Variants in NFYC observed in about 807,000 individuals in gnomAD.
The protein encoded by NFYC is CAAT box DNA-binding protein subunit C.
NFYC carries 25 observed loss-of-function variants against 53.1 expected under a neutral mutation model. That is an observed-to-expected ratio of 0.47 (90% CI 0.34 to 0.66). The LOEUF (loss-of-function observed/expected upper bound fraction) is 0.66. NFYC is among the 30% of genes least tolerant of loss of function. The probability of loss-of-function intolerance (pLI) is 0.01; values close to 1 mark genes in which losing one functional copy is unlikely to be tolerated. For missense variants in NFYC, 260 were observed against 422.7 expected (o/e 0.62, Z 3.38); for synonymous variants, 145 against 152.6 (o/e 0.95, Z 0.37).
chr1:40,757,889 G>A (rs575091706), intron 5 of NFYC: 13 of 581,118 alleles, frequency 2.2e-5, no homozygotes, highest in African/African-American at 9.4e-5. Context: ...TGATTATTTC[G>A]TACTTCAGAA....
At chr1:40,724,136 G>T (rs1191674194) in intron 1 of NFYC, among the ~76,000 whole-genome samples, 1 of 152,184 alleles carries the variant, frequency 6.6e-6, no homozygotes, top group African/African-American at 2.4e-5. Context: ...TTGGGAGGCC[G>T]AGGTGGGCAG....
At chr1:40,742,229 A>G (rs1376988483) in intron 2 of NFYC, among the ~76,000 whole-genome samples, 5 of 149,606 alleles carry the variant, frequency 3.3e-5, no homozygotes, top group Non-Finnish European at 7.4e-5. Flanking sequence ...TTTTTTTTTT[A>G]AGGCAGAATC....
chr1:40,713,953 G>A (rs546348319), intron 1 of NFYC, among the ~76,000 whole-genome samples: 1 of 152,244 alleles, frequency 6.6e-6, no homozygotes, highest in Admixed American at 6.5e-5. Flanking sequence ...TGTCCCTTTG[G>A]GATCTGAAGA....
chr1:40,743,039 C>T (rs933918081), intron 2 of NFYC, among the ~76,000 whole-genome samples: 28 of 152,106 alleles, frequency 1.8e-4, no homozygotes, highest in African/African-American at 6.3e-4. Context: ...TTTAAACTAG[C>T]CAATCATAAG....
chr1:40,715,920 T>C (rs1644119796), intron 1 of NFYC, among the ~76,000 whole-genome samples: 1 of 152,256 alleles, frequency 6.6e-6, no homozygotes, highest in Admixed American at 6.5e-5. Context: ...ATAGCAGTGC[T>C]AATTCACTTG....
Position 40,770,886 on chromosome 1 carries a change from G to A in NFYC, c.*58G>A. 1 of 1,577,138 alleles carries A rather than the reference G, an allele frequency of 6.3e-7. No homozygotes were observed. Among genetic ancestry groups the A allele is most frequent in the Non-Finnish European group, 8.6e-7 (1 of 1,162,512 alleles). On this transcript the variant is annotated 3_prime_UTR_variant, in exon 10 of 10. Transcript: ENST00000447388. This position sits in a 1 kb window ranked among gnomAD's most constrained non-coding sequence, Gnocchi z 5.3. ...CACAATTTTTGCCATACAGCCCCAG[G>A]CAATGGGCACAGCCTTCCTCCCCAG...
rs748526755 is a variant in NFYC at position 40,747,554 on chromosome 1, A to G, written c.126A>G (p.Glu42=). 32 of 1,613,204 alleles carry G rather than the reference A, an allele frequency of 2.0e-5. No individual in the cohort carries two copies. The highest frequency in any genetic ancestry group is 2.7e-5 in the African/African-American group (2 of 74,858). ...TTCAGAAAGACTTCCGAGTGCAGGA[A>G]CTCCCACTGGCTCGTATTAAGAAGA... ...NLTVKDFRVQ[E]LPLARIKKIM... Residue 42 remains glutamate, a synonymous_variant, in exon 3 of 10, where the codon GAA becomes GAG. Coordinates refer to ENST00000447388, the MANE Select transcript of NFYC (RefSeq NM_014223.5).
chr1:40,704,133 G>A (rs1344757586), intron 1 of NFYC, among the ~76,000 whole-genome samples: 3 of 150,798 alleles, frequency 2.0e-5, no homozygotes, highest in East Asian at 1.9e-4. Flanking sequence ...GTGCAGTGGC[G>A]CGATCTCTGC....
intron 1 of NFYC, chr1:40,692,349 T>A (rs1570247460): frequency 6.5e-6 from 1 of 153,104 alleles, no homozygotes; most frequent in African/African-American, 2.4e-5. Context: ...GCCTGGCAGG[T>A]ACTTTGGGGG....
chr1:40,716,914 C>A (rs1261666199), intron 1 of NFYC, among the ~76,000 whole-genome samples: 1 of 150,490 alleles, frequency 6.6e-6, no homozygotes, highest in African/African-American at 2.5e-5. Flanking sequence ...GATTTCTATC[C>A]AGTCTGGGTG....
At chr1:40,696,068 G>T (rs1037944392) in intron 1 of NFYC, among the ~76,000 whole-genome samples, 1 of 136,810 alleles carries the variant, frequency 7.3e-6, no homozygotes, top group African/African-American at 2.8e-5. Flanking sequence ...TGTTTCCCCA[G>T]ACTGGAGTGC....
At position 40,691,713 on chromosome 1, in the gene NFYC, G is replaced by A; in HGVS notation, c.-163G>A. On this transcript the variant is annotated 5_prime_UTR_variant, in exon 1 of 10. It adds an upstream start codon to the 5' untranslated region. Transcript: ENST00000447388. ...GAAAAGGGGAAACGGTGCAAACGGC[G>A]TGGCCGCCATCTTGCTTGTGCCCCC... 1 of 454,044 alleles carries A rather than the reference G, an allele frequency of 2.2e-6. No homozygotes were observed. The highest frequency in any genetic ancestry group is 4.4e-6 in the Non-Finnish European group (1 of 225,822). 28.1% of individuals were successfully genotyped at this position (454,044 alleles called of 1,614,324 possible). A position where few individuals can be genotyped will look rare whatever the true frequency, so the allele number is the denominator to read the frequency against.
chr1:40,748,275 G>T (rs897217246), intron 3 of NFYC, among the ~76,000 whole-genome samples: 7 of 151,944 alleles, frequency 4.6e-5, no homozygotes, highest in Admixed American at 2.6e-4. Flanking sequence ...GGGACTACAG[G>T]CACGTGCCAT....
chr1:40,758,068 C>T (rs974486225), intron 5 of NFYC, 53 bp from the exon 6 acceptor site: 32 of 1,594,072 alleles, frequency 2.0e-5, no homozygotes, highest in East Asian at 1.6e-4. Flanking sequence ...TTCACTGTGG[C>T]GGCTGCTGAG....
At chr1:40,731,076 G>A (rs549853164) in intron 1 of NFYC, among the ~76,000 whole-genome samples, 1 of 152,126 alleles carries the variant, frequency 6.6e-6, no homozygotes, top group Admixed American at 6.5e-5. Flanking sequence ...AGTGTGCCCT[G>A]TGATTGAGTT....
chr1:40,715,303 T>G (rs1420538694), intron 1 of NFYC, among the ~76,000 whole-genome samples: 1 of 150,674 alleles, frequency 6.6e-6, no homozygotes, highest in African/African-American at 2.4e-5. Flanking sequence ...GGCACAAGAA[T>G]TGCTTGAACT....
chr1:40,732,289 A>G (rs1411985547), intron 1 of NFYC, among the ~76,000 whole-genome samples: 1 of 152,266 alleles, frequency 6.6e-6, no homozygotes. Context: ...TTCAGAAACC[A>G]GGTCATATTG....
intron 5 of NFYC, among the ~76,000 whole-genome samples, chr1:40,755,953 G>A (rs1414190363): frequency 1.3e-5 from 2 of 152,048 alleles, no homozygotes; most frequent in Non-Finnish European, 2.9e-5. Context: ...GGGGATAACT[G>A]GAGACTAAAC....
At chr1:40,765,087 C>T (rs1203852984) in intron 7 of NFYC, among the ~76,000 whole-genome samples, 1 of 152,224 alleles carries the variant, frequency 6.6e-6, no homozygotes, top group Non-Finnish European at 1.5e-5. Flanking sequence ...CCATCAGTCT[C>T]TGTAGATGAG....
Sources: allele counts gnomAD v4.1 joint callset (sites outside exome capture counted in the v4.1 genomes callset), GRCh38; gene constraint gnomAD v4.1.1; non-coding constraint Gnocchi (gnomAD v3.1); transcripts MANE v1.5; gene names NCBI Gene and HGNC (gene_info 2026-07-23, HGNC 2026-07-21).